Variants in DYNLRB1 observed in about 807,000 individuals in gnomAD.
DYNLRB1 encodes the protein ROBL/LC7-like 1.
In DYNLRB1, 6 loss-of-function variants were observed where a neutral mutation model predicts 13.5. The ratio of observed to expected loss-of-function variants is 0.44; its 90% CI spans 0.24 to 0.88. DYNLRB1 has a LOEUF of 0.88. DYNLRB1 is among the 40% of genes least tolerant of loss of function. The pLI is 0.21. For synonymous variants in DYNLRB1, 43 were observed against 45.0 expected (o/e 0.96, Z 0.18); for missense variants, 93 against 127.2 (o/e 0.73, Z 1.29).
intron 2 of DYNLRB1, among the ~76,000 whole-genome samples, chr20:34,529,100 A>C (rs1383930356): frequency 6.6e-6 from 1 of 152,184 alleles, no homozygotes; most frequent in African/African-American, 2.4e-5. Flanking sequence ...GTGGTACAGC[A>C]GTGCCTGTGT....
intron 2 of DYNLRB1, chr20:34,526,712 G>T: frequency 9.2e-6 from 2 of 216,848 alleles, no homozygotes; most frequent in East Asian, 2.0e-4. Context: ...CAGTTCCAGA[G>T]GACCATAATC....
intron 1 of DYNLRB1, among the ~76,000 whole-genome samples, chr20:34,518,545 T>G (rs995349858): frequency 3.3e-5 from 5 of 151,708 alleles, no homozygotes; most frequent in Admixed American, 6.6e-5. Flanking sequence ...CCTCCTGGGC[T>G]CAAGTGATCC....
intron 1 of DYNLRB1, among the ~76,000 whole-genome samples, chr20:34,517,027 G>T (rs536937746): frequency 1.1e-4 from 17 of 152,078 alleles, no homozygotes; most frequent in Non-Finnish European, 2.1e-4. Flanking sequence ...CTTTCTAGCC[G>T]CTGGGACTGG....
intron 2 of DYNLRB1, among the ~76,000 whole-genome samples, chr20:34,532,996 C>T (rs577749026): frequency 6.6e-6 from 1 of 152,330 alleles, no homozygotes; most frequent in East Asian, 1.9e-4. Flanking sequence ...TGCCACATTC[C>T]TCAAGTGCCT....
At position 34,536,459 on chromosome 20, in the gene DYNLRB1, G is replaced by A. The variant is rs932496058; in HGVS notation, c.247+1664G>A. 8 of 985,348 alleles carry A rather than the reference G, an allele frequency of 8.1e-6. No individual in the cohort carries two copies. In the East Asian group the frequency reaches 3.4e-4, roughly 42 times the overall value. The allele number at this position is 985,348 out of a possible 1,614,324, so 61.0% of individuals were successfully genotyped here. On this transcript the variant is annotated intron_variant, in intron 3 of 3. Coordinates refer to ENST00000357156, the MANE Select transcript of DYNLRB1 (RefSeq NM_014183.4). ...ACAAAGCTTCACTCCCCAAAAGTCG[G>A]GCCGGGATGGAGCGCAGTGGCTCAC...
intron 1 of DYNLRB1, among the ~76,000 whole-genome samples, chr20:34,518,915 CAG>C (rs1979489371): frequency 6.7e-6 from 1 of 148,360 alleles, no homozygotes; most frequent in Admixed American, 6.7e-5. Flanking sequence ...TCTTTTGAAA[CAG>C]AGTCTTGCCC....
Position 34,516,626 on chromosome 20 carries a change from C to A in DYNLRB1, c.3+165C>A. 2.7e-6 allele frequency: 4 copies of A among 1,489,228 alleles called. No homozygotes were observed. In the South Asian group the frequency reaches 5.3e-5, roughly 20 times the overall value. 92.3% of individuals were successfully genotyped at this position (1,489,228 alleles called of 1,614,324 possible). ...CCGACTTGAGGGTGGAACCCGGCGG[C>A]GGAGGCCTCTAAAGCCTGACCGAGG... On this transcript the variant is annotated intron_variant, in intron 1 of 3. Coordinates refer to ENST00000357156, the MANE Select transcript of DYNLRB1 (RefSeq NM_014183.4).
At chr20:34,526,162 T>C in intron 1 of DYNLRB1, 106 bp from the exon 2 acceptor site, 2 of 1,241,948 alleles carry the variant, frequency 1.6e-6, no homozygotes, top group Non-Finnish European at 2.3e-6. Context: ...GCCTGAGTAT[T>C]ACTTGTTTGT....
At chr20:34,526,455 G>C (rs1159472137) in intron 2 of DYNLRB1, 112 bp downstream of exon 2, 3 of 880,164 alleles carry the variant, frequency 3.4e-6, no homozygotes, top group Non-Finnish European at 4.9e-6. Flanking sequence ...CTAATTTTAG[G>C]CCTTTTTAAT....
chr20:34,536,452 A>T (rs111712827), intron 3 of DYNLRB1: 18 of 985,410 alleles, frequency 1.8e-5, no homozygotes, highest in African/African-American at 1.6e-4. Flanking sequence ...TCACTCCCCA[A>T]AAGTCGGGCC....
At chr20:34,528,512 A>C (rs1028628777) in intron 2 of DYNLRB1, among the ~76,000 whole-genome samples, 1 of 152,124 alleles carries the variant, frequency 6.6e-6, no homozygotes, top group Non-Finnish European at 1.5e-5. Flanking sequence ...CAGGCCGCAG[A>C]GTCAGGTCAG....
At chr20:34,524,916 G>A (rs548251900) in intron 1 of DYNLRB1, among the ~76,000 whole-genome samples, 6 of 152,142 alleles carry the variant, frequency 3.9e-5, no homozygotes, top group South Asian at 2.1e-4. Flanking sequence ...CAGGAGAGAC[G>A]GAGTTTCACC....
chr20:34,516,950 C>G, intron 1 of DYNLRB1: 1 of 1,356,474 alleles, frequency 7.4e-7, no homozygotes, highest in Non-Finnish European at 9.5e-7. Context: ...AGTGCTTTGC[C>G]CCAGGAAATA....
intron 2 of DYNLRB1, 68 bp from the exon 3 acceptor site, chr20:34,534,560 G>A: frequency 1.3e-6 from 2 of 1,502,848 alleles, no homozygotes; most frequent in Admixed American, 2.3e-5. Context: ...TCCCCAATTA[G>A]GGGTGTGGGT....
At chr20:34,518,557 C>T (rs1979449277) in intron 1 of DYNLRB1, among the ~76,000 whole-genome samples, 1 of 151,714 alleles carries the variant, frequency 6.6e-6, no homozygotes, top group South Asian at 2.1e-4. Flanking sequence ...AAGTGATCCT[C>T]CTGCCTTAAT....
intron 1 of DYNLRB1, among the ~76,000 whole-genome samples, chr20:34,520,256 A>G (rs1195978496): frequency 1.3e-5 from 2 of 152,104 alleles, no homozygotes; most frequent in Non-Finnish European, 2.9e-5. Flanking sequence ...ATATTTTCCA[A>G]GATAATGCAT....
intron 2 of DYNLRB1, among the ~76,000 whole-genome samples, chr20:34,528,848 C>T (rs913318240): frequency 6.6e-6 from 1 of 152,044 alleles, no homozygotes; most frequent in South Asian, 2.1e-4. Flanking sequence ...GTGGCACACG[C>T]CTGTAGTCTT....
At position 34,524,242 on chromosome 20, in the gene DYNLRB1, T is replaced by C. The variant is rs142306888; in HGVS notation, c.4-2026T>C. 6.4e-3 allele frequency among the ~76,000 whole-genome samples: 974 copies of C among 152,346 alleles called. 9 individuals are homozygous for C. Among genetic ancestry groups the C allele is most frequent in the Middle Eastern group, 0.037 (11 of 294 alleles). On this transcript the variant is annotated intron_variant, in intron 1 of 3. Transcript: ENST00000357156. Reference sequence around the variant, plus strand: ...TTCATAATCTCCTGTAACCTTTTGTTTTCATGTGATTGCAGTCACCAAAGC... The same window carrying C: ...TTCATAATCTCCTGTAACCTTTTGTCTTCATGTGATTGCAGTCACCAAAGC...
intron 1 of DYNLRB1, among the ~76,000 whole-genome samples, chr20:34,519,791 T>A (rs1449974308): frequency 6.6e-6 from 1 of 152,208 alleles, no homozygotes; most frequent in Admixed American, 6.5e-5. Context: ...TTGGCTTGCA[T>A]ATTTTACATT....
Sources: allele counts gnomAD v4.1 joint callset (sites outside exome capture counted in the v4.1 genomes callset), GRCh38; gene constraint gnomAD v4.1.1; transcripts MANE v1.5; gene names NCBI Gene and HGNC (gene_info 2026-07-23, HGNC 2026-07-21).